The following GLG1 variants were observed in gnomAD, a reference collection of about 807,000 sequenced individuals.
GLG1 encodes the protein Golgi apparatus protein 1.
In GLG1, 38 loss-of-function variants were observed where a neutral mutation model predicts 160.5. That is an observed-to-expected ratio of 0.24 (90% CI 0.18 to 0.31). GLG1 has a LOEUF of 0.31. GLG1 is among the 10% of genes least tolerant of loss of function. The pLI is 1.00. For synonymous variants in GLG1, 644 were observed against 543.4 expected, an observed-to-expected ratio of 1.19 and a Z score of -2.57; for missense variants, 1,373 against 1,505.2, an observed-to-expected ratio of 0.91 and a Z score of 1.45.
chr16:74,550,475 C>T (rs2018168026), intron 1 of GLG1, among the ~76,000 whole-genome samples: 1 of 152,066 alleles, frequency 6.6e-6, no homozygotes, highest in Non-Finnish European at 1.5e-5. Flanking sequence ...TAACAGCAGT[C>T]ATACCATATG....
At chr16:74,462,854 G>A in intron 20 of GLG1, 1 of 561,970 alleles carries the variant, frequency 1.8e-6, no homozygotes, top group Non-Finnish European at 3.1e-6. Context: ...TTTCTACTCT[G>A]CGGGGTTTTG....
intron 1 of GLG1, among the ~76,000 whole-genome samples, chr16:74,574,883 C>CAAAAAAA (rs531720341): frequency 0.019 from 462 of 24,788 alleles, 125 homozygotes; most frequent in African/African-American, 0.072. Context: ...GACTCTGTCT[C>CAAAAAAA]AAAAAAAAAA....
At chr16:74,477,610 G>A in intron 11 of GLG1, 77 bp from the exon 12 acceptor site, 2 of 1,025,420 alleles carry the variant, frequency 2.0e-6, no homozygotes, top group Non-Finnish European at 2.9e-6. Context: ...AACCTGCTAT[G>A]AGGAAACTAA....
Position 74,572,532 on chromosome 16 carries a change from A to C in GLG1, c.438+34125T>G, listed in dbSNP as rs565794774. 4.4e-4 allele frequency among the ~76,000 whole-genome samples: 66 copies of C among 151,376 alleles called. 2 individuals carry two copies. In the South Asian group the frequency reaches 0.01, roughly 23 times the overall value. On this transcript the variant is annotated intron_variant, in intron 1 of 25. Coordinates refer to ENST00000422840, the MANE Select transcript of GLG1 (RefSeq NM_001145667.2). ...TGTCTCAAAAAAAAAACAAACAAAA[A>C]AAAAAAAACACAAAACACCCCAAAG...
Position 74,453,109 on chromosome 16 carries a change from A to G in GLG1, c.*58T>C, listed in dbSNP as rs1178516169. 9 of 1,587,760 alleles carry G rather than the reference A, an allele frequency of 5.7e-6. No individual in the cohort carries two copies. The African/African-American group carries it at 1.2e-4, about 21-fold the overall frequency. ...AGCGAGGTGAGTGGGGATGCTATAC[A>G]AGAGGGCTGTACAAACTGGGCACTG... On this transcript the variant is annotated 3_prime_UTR_variant, in exon 26 of 26. Coordinates refer to ENST00000422840, the MANE Select transcript of GLG1 (RefSeq NM_001145667.2).
chr16:74,497,316 A>G (rs1326373171), intron 4 of GLG1, among the ~76,000 whole-genome samples: 1 of 145,286 alleles, frequency 6.9e-6, no homozygotes, highest in East Asian at 2.0e-4. Flanking sequence ...ACACACACAC[A>G]AAAAACCACA....
intron 1 of GLG1, among the ~76,000 whole-genome samples, chr16:74,567,537 T>C (rs1268486594): frequency 6.7e-6 from 1 of 150,140 alleles, no homozygotes; most frequent in African/African-American, 2.4e-5. Context: ...GAAACCTTAC[T>C]ATATATGGTG....
At chr16:74,532,550 G>T (rs1361599391) in intron 1 of GLG1, among the ~76,000 whole-genome samples, 1 of 151,928 alleles carries the variant, frequency 6.6e-6, no homozygotes, top group Non-Finnish European at 1.5e-5. Context: ...TTGAGACAGG[G>T]TCTCACTCTG....
chr16:74,585,076 A>T (rs1008710266), intron 1 of GLG1, among the ~76,000 whole-genome samples: 8 of 152,170 alleles, frequency 5.3e-5, no homozygotes, highest in Non-Finnish European at 7.3e-5. Flanking sequence ...AAAAATTTTT[A>T]AAACCCTATC....
intron 2 of GLG1, among the ~76,000 whole-genome samples, chr16:74,513,392 C>T (rs2016875550): frequency 6.6e-6 from 1 of 152,032 alleles, no homozygotes; most frequent in Admixed American, 6.6e-5. Context: ...CAGTAGGGGC[C>T]AACAGATATC....
rs756116487 is a variant in GLG1 at position 74,503,505 on chromosome 16, G to C, written c.774+26C>G. 1.3e-5 allele frequency: 19 copies of C among 1,458,892 alleles called. No individual in the cohort carries two copies. In the South Asian group the frequency reaches 2.0e-4, roughly 16 times the overall value. The allele number at this position is 1,458,892 out of a possible 1,614,324, so 90.4% of individuals were successfully genotyped here. On this transcript the variant is annotated intron_variant, in intron 4 of 25. Coordinates refer to ENST00000422840, the MANE Select transcript of GLG1 (RefSeq NM_001145667.2). ...ATACACCAAATTTTAAGACCCCTTT[G>C]TTGAAGCTAACGTAGTATTAGATAC...
intron 2 of GLG1, among the ~76,000 whole-genome samples, chr16:74,509,613 G>A (rs1597286722): frequency 6.6e-6 from 1 of 151,930 alleles, no homozygotes; most frequent in Non-Finnish European, 1.5e-5. Flanking sequence ...ACTTTGGGAG[G>A]CAGAGGCGGG....
chr16:74,593,579 C>CA (rs757842676), intron 1 of GLG1, among the ~76,000 whole-genome samples: 1 of 151,854 alleles, frequency 6.6e-6, no homozygotes, highest in Admixed American at 6.6e-5. Flanking sequence ...GGATTACAGG[C>CA]ATGTGTGACC....
At chr16:74,576,218 T>C (rs1364138131) in intron 1 of GLG1, among the ~76,000 whole-genome samples, 1 of 151,978 alleles carries the variant, frequency 6.6e-6, no homozygotes, top group African/African-American at 2.4e-5. Flanking sequence ...AAGTTCAAAC[T>C]ATTTTAAGTC....
intron 1 of GLG1, among the ~76,000 whole-genome samples, chr16:74,597,772 T>A (rs924018089): frequency 1.3e-5 from 2 of 150,152 alleles, no homozygotes; most frequent in Non-Finnish European, 3.0e-5. Flanking sequence ...GAGAATGGCG[T>A]GAACCCGGGA....
chr16:74,457,088 G>A (rs953293594), intron 24 of GLG1, among the ~76,000 whole-genome samples: 1 of 152,106 alleles, frequency 6.6e-6, no homozygotes, highest in Admixed American at 6.5e-5. Context: ...GTAAGACCTT[G>A]TTTCAAAAAA....
intron 1 of GLG1, among the ~76,000 whole-genome samples, chr16:74,543,605 G>A (rs1365264995): frequency 7.2e-5 from 11 of 151,954 alleles, no homozygotes; most frequent in Non-Finnish European, 1.2e-4. Flanking sequence ...TCTACAGTTG[G>A]TAGAAAAAAG....
chr16:74,564,672 C>A (rs1363896613), intron 1 of GLG1, among the ~76,000 whole-genome samples: 1 of 152,134 alleles, frequency 6.6e-6, no homozygotes, highest in Non-Finnish European at 1.5e-5. Context: ...GAGAACCTGA[C>A]CAAAAAGGCG....
chr16:74,597,326 G>T (rs1958328863), intron 1 of GLG1, among the ~76,000 whole-genome samples: 1 of 151,214 alleles, frequency 6.6e-6, no homozygotes, highest in Non-Finnish European at 1.5e-5. Flanking sequence ...AGCTACTCAG[G>T]AGGCTGAGGC....
Sources: gnomAD v4.1 joint callset for allele counts (sites outside exome capture counted in the v4.1 genomes callset) on GRCh38, gnomAD v4.1.1 for gene constraint, MANE v1.5 for transcripts, NCBI Gene and HGNC (gene_info 2026-07-23, HGNC 2026-07-21) for gene names.